BMPR1B: variants seen among roughly 807,000 people sequenced by gnomAD.
BMPR1B encodes the protein bone morphogenetic protein receptor type 1B, also known as bone morphogenetic protein receptor type-1B.
BMPR1B carries 12 observed loss-of-function variants against 59.1 expected under a neutral mutation model. The observed-to-expected ratio is 0.20, with a 90% CI of 0.13 to 0.33. BMPR1B has a LOEUF of 0.33. BMPR1B is among the 10% of genes least tolerant of loss of function. The probability of loss-of-function intolerance (pLI) is 1.00; values close to 1 mark genes in which losing one functional copy is unlikely to be tolerated. For missense variants in BMPR1B, 550 were observed against 610.9 expected, an observed-to-expected ratio of 0.90 and a Z score of 1.05; for synonymous variants, 237 against 207.3, an observed-to-expected ratio of 1.14 and a Z score of -1.23.
chr4:95,105,939 C>T (rs539745604), intron 4 of BMPR1B, among the ~76,000 whole-genome samples: 192 of 151,880 alleles, frequency 1.3e-3, no homozygotes, highest in African/African-American at 3.9e-3. Flanking sequence ...ATTCAGAATA[C>T]GCCTGTGTGT....
At chr4:95,114,909 C>A in intron 5 of BMPR1B, 87 bp downstream of exon 5, 3 of 1,310,462 alleles carry the variant, frequency 2.3e-6, no homozygotes, top group Non-Finnish European at 3.3e-6. Context: ...TTTTTCTTGG[C>A]CAGCCCATTT....
At chr4:94,994,633 T>A (rs963091330) in intron 2 of BMPR1B, among the ~76,000 whole-genome samples, 1 of 152,226 alleles carries the variant, frequency 6.6e-6, no homozygotes, top group African/African-American at 2.4e-5. Context: ...TGAATATTAA[T>A]TTTTGCATTA....
chr4:94,841,683 G>A (rs932496922), intron 1 of BMPR1B, among the ~76,000 whole-genome samples: 6 of 152,062 alleles, frequency 3.9e-5, no homozygotes, highest in African/African-American at 1.2e-4. Context: ...AGATGAACCC[G>A]GTACCTCAGA....
chr4:95,148,531 A>C (rs1043630972), intron 10 of BMPR1B, among the ~76,000 whole-genome samples: 5 of 152,088 alleles, frequency 3.3e-5, no homozygotes, highest in Non-Finnish European at 5.9e-5. Flanking sequence ...GCCTACAGGC[A>C]TGCACCACAG....
In BMPR1B at chr4:94,885,751, A is replaced by G. The variant is rs567736288; in HGVS notation, c.-113+9851A>G. On this transcript the variant is annotated intron_variant, in intron 2 of 12. Coordinates refer to ENST00000515059, the MANE Select transcript of BMPR1B (RefSeq NM_001203.3). ...AAAGAGCTCAATCTAATTATTTAAT[A>G]TAATTGTAAAACATATTGCTGACCT... Among the ~76,000 whole-genome samples the G allele has an allele frequency of 4.6e-5, 7 of 152,332 alleles. No homozygotes were observed. The South Asian group carries it at 1.2e-3, about 27-fold the overall frequency.
chr4:94,821,503 C>T (rs1251170693), intron 1 of BMPR1B, among the ~76,000 whole-genome samples: 1 of 151,918 alleles, frequency 6.6e-6, no homozygotes, highest in Non-Finnish European at 1.5e-5. Flanking sequence ...AAAATTCATA[C>T]AAAAGAGTTA....
At chr4:94,781,879 T>C (rs930238783) in intron 1 of BMPR1B, among the ~76,000 whole-genome samples, 4 of 152,200 alleles carry the variant, frequency 2.6e-5, no homozygotes, top group African/African-American at 9.6e-5. Flanking sequence ...CATTGCAGTT[T>C]CCTTGTATGC....
chr4:94,930,169 C>T (rs1283230873), intron 2 of BMPR1B, among the ~76,000 whole-genome samples: 2 of 152,080 alleles, frequency 1.3e-5, no homozygotes, highest in Admixed American at 6.6e-5. Context: ...GTTTTATATA[C>T]ACTCTGTTGT....
chr4:95,085,314 GA>G (rs1311146553), intron 3 of BMPR1B, among the ~76,000 whole-genome samples: 2 of 152,122 alleles, frequency 1.3e-5, no homozygotes, highest in African/African-American at 2.4e-5. Flanking sequence ...AGCAAGCAAG[GA>G]TGAAAGACAG....
In BMPR1B at chr4:95,123,920, A is replaced by ATC; in HGVS notation, c.446+15_446+16insCT. 6.4e-7 allele frequency: 1 copy of ATC among 1,569,190 alleles called. No homozygotes were observed. The highest frequency in any genetic ancestry group is 8.8e-7 in the Non-Finnish European group (1 of 1,141,716). On this transcript the variant is annotated intron_variant, in intron 7 of 12. Transcript: ENST00000515059. ...TTGTTACTTCCGGTAAGTTTCTAAC[A>ATC]TGTAGATGCAAAATTTTTAATTTAT...
chr4:94,861,841 A>G (rs1261873550), intron 1 of BMPR1B, among the ~76,000 whole-genome samples: 1 of 152,196 alleles, frequency 6.6e-6, no homozygotes, highest in African/African-American at 2.4e-5. Flanking sequence ...TTGTGCATTT[A>G]GTTAATAGAA....
intron 1 of BMPR1B, among the ~76,000 whole-genome samples, chr4:94,835,647 TTAAGTA>T (rs143843281): frequency 0.12 from 18,346 of 152,194 alleles, 1,150 homozygotes; most frequent in Non-Finnish European, 0.13. Flanking sequence ...AAAATATTTA[TTAAGTA>T]TAAGTTTTGT....
At chr4:95,153,814 C>T (rs1735226438) in intron 12 of BMPR1B, among the ~76,000 whole-genome samples, 1 of 152,196 alleles carries the variant, frequency 6.6e-6, no homozygotes, top group African/African-American at 2.4e-5. Context: ...CATGACACTG[C>T]ACTCGACAGA....
intron 2 of BMPR1B, among the ~76,000 whole-genome samples, chr4:94,934,516 A>G (rs910846137): frequency 2.7e-5 from 4 of 145,714 alleles, no homozygotes; most frequent in African/African-American, 7.8e-5. Flanking sequence ...ATGGCAGCAT[A>G]GTTAAGCGTT....
chr4:95,109,207 A>G (rs1285210468), intron 4 of BMPR1B, among the ~76,000 whole-genome samples: 1 of 152,066 alleles, frequency 6.6e-6, no homozygotes, highest in Non-Finnish European at 1.5e-5. Flanking sequence ...TACTTATCTT[A>G]TTGGTTTCTT....
chr4:95,130,194 A>G (rs1379971322), intron 9 of BMPR1B, 140 bp downstream of exon 9: 2 of 1,018,146 alleles, frequency 2.0e-6, no homozygotes, highest in Non-Finnish European at 3.0e-6. Context: ...GCCCAAGAAC[A>G]TCATAAGTTT....
intron 3 of BMPR1B, among the ~76,000 whole-genome samples, chr4:95,069,339 C>T (rs1051743180): frequency 6.6e-6 from 1 of 152,170 alleles, no homozygotes; most frequent in Non-Finnish European, 1.5e-5. Flanking sequence ...GATCTGTTCC[C>T]CATTTCTTGT....
chr4:94,986,789 C>G (rs905148048), intron 2 of BMPR1B, among the ~76,000 whole-genome samples: 47 of 151,724 alleles, frequency 3.1e-4, no homozygotes, highest in Middle Eastern at 3.4e-3. Context: ...CGCCTGTAAC[C>G]CCGGCACTTT....
intron 2 of BMPR1B, among the ~76,000 whole-genome samples, chr4:94,900,466 T>C (rs894879790): frequency 6.6e-6 from 1 of 152,056 alleles, no homozygotes; most frequent in Admixed American, 6.6e-5. Context: ...AATTTGTACA[T>C]ACAAATATGA....
Sources: allele counts gnomAD v4.1 joint callset (sites outside exome capture counted in the v4.1 genomes callset), GRCh38; gene constraint gnomAD v4.1.1; transcripts MANE v1.5; gene names NCBI Gene and HGNC (gene_info 2026-07-23, HGNC 2026-07-21).